Variants in LGALS8 observed in about 807,000 individuals in gnomAD.
LGALS8 encodes galectin-8.
Under a neutral mutation model 35.9 loss-of-function variants are expected in LGALS8, and 30 were observed. The observed-to-expected ratio is 0.83, with a 90% CI of 0.62 to 1.13. LGALS8 has a LOEUF of 1.13. Among genes scored for constraint, LGALS8 ranks in the 50% most tolerant of loss-of-function variants. LGALS8 has a pLI of 0.00. For synonymous variants in LGALS8, 138 were observed against 136.1 expected (o/e 1.01, Z -0.10); for missense variants, 366 against 388.7 (o/e 0.94, Z 0.49).
chr1:236,537,117 T>C (rs1160305147), intron 2 of LGALS8, among the ~76,000 whole-genome samples: 1 of 149,990 alleles, frequency 6.7e-6, no homozygotes, highest in African/African-American at 2.5e-5. Flanking sequence ...CCCAGGTTCG[T>C]GCCATTCTCC....
chr1:236,546,977 TTCC>T (rs888702618), intron 9 of LGALS8, among the ~76,000 whole-genome samples: 5 of 151,386 alleles, frequency 3.3e-5, no homozygotes, highest in African/African-American at 1.2e-4. Context: ...TTTCCTCCCC[TTCC>T]TGATTTTCCT....
At chr1:236,547,904 A>T in intron 9 of LGALS8, 108 bp from the exon 10 acceptor site, 1 of 978,566 alleles carries the variant, frequency 1.0e-6, no homozygotes, top group Non-Finnish European at 1.6e-6. Context: ...GCAGGCTGGA[A>T]CTTTTCTATG....
At chr1:236,521,873 C>G (rs1660560565), upstream of LGALS8, among the ~76,000 whole-genome samples, 1 of 151,432 alleles carries the variant, frequency 6.6e-6, no homozygotes, top group Non-Finnish European at 1.5e-5. Context: ...TTAACATGAT[C>G]TGAATTATGT....
intron 7 of LGALS8, chr1:236,543,180 C>G: frequency 1.4e-6 from 1 of 738,086 alleles, no homozygotes; most frequent in Non-Finnish European, 2.3e-6. Context: ...ATTCGAGAGT[C>G]AACCAGGCCT....
Position 236,550,645 on chromosome 1 carries a change from G to C in LGALS8, c.*2484G>C. On this transcript the variant is annotated 3_prime_UTR_variant, in exon 10 of 10. Transcript: ENST00000366584. ...ATCAATCAGGAAGAGAATAATAAAT[G>C]TTTAAACAAACACAGCAGTCTGTAT... 2.5e-6 allele frequency: 1 copy of C among 403,500 alleles called. No individual in the cohort carries two copies. The highest frequency in any genetic ancestry group is 4.0e-5 in the East Asian group (1 of 25,224). 25.0% of individuals were successfully genotyped at this position (403,500 alleles called of 1,614,324 possible).
chr1:236,545,038 C>T, intron 9 of LGALS8, 123 bp downstream of exon 9: 1 of 727,404 alleles, frequency 1.4e-6, no homozygotes, highest in Admixed American at 3.2e-5. Context: ...TTTTTGTTTA[C>T]TTGGAGATTG....
Position 236,538,101 on chromosome 1 carries a change from A to AAAAAAAAAAAAAAAG in LGALS8, c.134+519_134+520insAAAAAAAAAAAGAAA, listed in dbSNP as rs371245157. 4.0e-3 allele frequency among the ~76,000 whole-genome samples: 387 copies of AAAAAAAAAAAAAAAG among 95,982 alleles called. 35 individuals are homozygous for AAAAAAAAAAAAAAAG. The highest frequency in any genetic ancestry group is 0.011 in the African/African-American group (337 of 30,028). The allele number at this position is 95,982 out of a possible 152,430, so 63.0% of individuals were successfully genotyped here. On this transcript the variant is annotated intron_variant, in intron 3 of 9. Transcript: ENST00000366584. ...GCCTGGGTGACAAAAAAAAAAAAGA[A>AAAAAAAAAAAAAAAG]AAAGAAAAAGAATTAGGTATGTCAT...
intron 8 of LGALS8, among the ~76,000 whole-genome samples, chr1:236,544,353 A>C (rs1202489969): frequency 6.6e-6 from 1 of 151,926 alleles, no homozygotes; most frequent in Non-Finnish European, 1.5e-5. Context: ...TTGAAATTAG[A>C]GCTATTTCCT....
upstream of LGALS8, among the ~76,000 whole-genome samples, chr1:236,521,640 C>T (rs1257156401): frequency 6.6e-6 from 1 of 152,034 alleles, no homozygotes; most frequent in Non-Finnish European, 1.5e-5. Flanking sequence ...CTAGCCTGGG[C>T]AACATGGTGA....
chr1:236,546,678 C>T (rs1374643382), intron 9 of LGALS8, among the ~76,000 whole-genome samples: 3 of 152,246 alleles, frequency 2.0e-5, no homozygotes, highest in Admixed American at 6.5e-5. Context: ...TTGCCACTTG[C>T]TTGTAATTCA....
At chr1:236,543,028 C>CTA (rs745760598) in intron 7 of LGALS8, 2 of 1,614,022 alleles carry the variant, frequency 1.2e-6, no homozygotes, top group Non-Finnish European at 1.7e-6. Context: ...CACCTATGAA[C>CTA]TATGTGTCAA....
At chr1:236,523,845 C>T (rs3754245), upstream of LGALS8, 243,505 of 347,102 alleles carry the variant, frequency 0.7, 86,038 homozygotes, top group Admixed American at 0.76. Context: ...CTGTCCAAAA[C>T]CCAGCAGAGC....
At chr1:236,547,370 A>G (rs1333432374) in intron 9 of LGALS8, among the ~76,000 whole-genome samples, 1 of 152,082 alleles carries the variant, frequency 6.6e-6, no homozygotes, top group Non-Finnish European at 1.5e-5. Flanking sequence ...TAGTATGTGC[A>G]CCACTTCCAA....
chr1:236,542,433 T>A, intron 6 of LGALS8: 1 of 341,050 alleles, frequency 2.9e-6, no homozygotes, highest in South Asian at 4.3e-5. Context: ...TGAGCCATGA[T>A]TGAGCCACTG....
At position 236,552,408 on chromosome 1, in the gene LGALS8, CCG is replaced by C; in HGVS notation, c.*4249_*4250del. The C allele has an allele frequency of 5.3e-6, 1 of 187,624 alleles. No individual in the cohort carries two copies. The allele number at this position is 187,624 out of a possible 1,614,324, so 11.6% of individuals were successfully genotyped here. On this transcript the variant is annotated 3_prime_UTR_variant, in exon 10 of 10. Coordinates refer to ENST00000366584, the MANE Select transcript of LGALS8 (RefSeq NM_201544.4). ...TAAAAAAAACCAATAAAATAAAATG[CCG>C]CATGCAAACTCAAGTGTGTCACCAG...
chr1:236,537,821 G>C (rs1347000509), intron 3 of LGALS8, among the ~76,000 whole-genome samples: 2 of 151,878 alleles, frequency 1.3e-5, no homozygotes, highest in Non-Finnish European at 2.9e-5. Flanking sequence ...CTATCAGCTG[G>C]ATGTGGTGAC....
chr1:236,544,770 C>T lies in LGALS8; in HGVS notation c.659C>T (p.Ala220Val). Residue 220 changes from alanine to valine, a missense_variant, in exon 9 of 10, where the codon GCA becomes GTA. By Grantham distance (64) the Ala-to-Val change is moderately conservative. Transcript: ENST00000366584. ...AAAAGCTTTAATGTTGACCTACTAGCAGGAAAATCAAAGGATATTGCTCTA... is the reference window on the plus strand; with the variant it reads ...AAAAGCTTTAATGTTGACCTACTAGTAGGAAAATCAAAGGATATTGCTCTA... ...NAKSFNVDLL[A>V]GKSKDIALHL... 1 of 1,603,152 alleles carries T rather than the reference C, an allele frequency of 6.2e-7. No homozygotes were observed. The highest frequency in any genetic ancestry group is 8.5e-7 in the Non-Finnish European group (1 of 1,175,942).
chr1:236,519,599 A>G (rs1035004275), upstream of LGALS8, among the ~76,000 whole-genome samples: 6 of 152,216 alleles, frequency 3.9e-5, no homozygotes, highest in African/African-American at 1.4e-4. Context: ...TTTATTGGGA[A>G]CACCATCCCC....
At chr1:236,531,280 G>A (rs928416799) in intron 2 of LGALS8, among the ~76,000 whole-genome samples, 1 of 151,980 alleles carries the variant, frequency 6.6e-6, no homozygotes, top group Non-Finnish European at 1.5e-5. Context: ...GGAATCACTA[G>A]GTCAGAGGGT....
Sources: allele counts gnomAD v4.1 joint callset (sites outside exome capture counted in the v4.1 genomes callset), GRCh38; gene constraint gnomAD v4.1.1; transcripts MANE v1.5; gene names NCBI Gene and HGNC (gene_info 2026-07-23, HGNC 2026-07-21).